KDM4C: variants seen among roughly 807,000 people sequenced by gnomAD.
The protein encoded by KDM4C is lysine demethylase 4C.
A neutral mutation model predicts 129.3 loss-of-function variants in KDM4C; 81 were observed. The observed-to-expected ratio is 0.63, with a 90% confidence interval of 0.52 to 0.75. The LOEUF (loss-of-function observed/expected upper bound fraction) is 0.75. Ranked by LOEUF, KDM4C falls within the 30% of genes least tolerant of loss-of-function variation. KDM4C has a pLI of 0.00. For missense variants in KDM4C, 1,457 were observed against 1,304.0 expected, an observed-to-expected ratio of 1.12 and a Z score of -1.81; for synonymous variants, 573 against 456.1, an observed-to-expected ratio of 1.26 and a Z score of -3.26.
chr9:7,011,487 G>T (rs138015962), intron 12 of KDM4C, among the ~76,000 whole-genome samples: 5 of 152,296 alleles, frequency 3.3e-5, no homozygotes, highest in African/African-American at 9.6e-5. Context: ...TTGTCTGGCC[G>T]TGGGATCTGA....
At chr9:7,161,205 G>T (rs1454855512) in intron 19 of KDM4C, among the ~76,000 whole-genome samples, 2 of 152,252 alleles carry the variant, frequency 1.3e-5, no homozygotes, top group African/African-American at 4.8e-5. Context: ...ATTGGGGCAG[G>T]CGTGTCCCAT....
chr9:7,035,139 A>G (rs1370096409), intron 15 of KDM4C, among the ~76,000 whole-genome samples: 2 of 150,566 alleles, frequency 1.3e-5, no homozygotes, highest in South Asian at 4.2e-4. Flanking sequence ...TTGCCTCCCA[A>G]GTAGCTGGGA....
intron 7 of KDM4C, among the ~76,000 whole-genome samples, chr9:6,889,472 G>C (rs1845810934): frequency 6.6e-6 from 1 of 152,066 alleles, no homozygotes; most frequent in South Asian, 2.1e-4. Context: ...CTGCCTGCGG[G>C]TGTAGGGAGG....
intron 8 of KDM4C, among the ~76,000 whole-genome samples, chr9:6,929,471 C>CTTTT (rs59537472): frequency 1.6e-5 from 2 of 127,524 alleles, no homozygotes; most frequent in Non-Finnish European, 1.7e-5. Flanking sequence ...TTGACTTTTT[C>CTTTT]TTTTTTTTTT....
At chr9:6,865,870 C>G (rs930771925) in intron 5 of KDM4C, among the ~76,000 whole-genome samples, 2 of 152,234 alleles carry the variant, frequency 1.3e-5, no homozygotes, top group East Asian at 3.9e-4. Context: ...CCTGCCTCAG[C>G]CTCCCGAGTA....
At chr9:7,154,210 C>G (rs895372782) in intron 19 of KDM4C, among the ~76,000 whole-genome samples, 26 of 152,198 alleles carry the variant, frequency 1.7e-4, no homozygotes, top group Non-Finnish European at 5.9e-5. Flanking sequence ...ATGATACTTA[C>G]GTGGCTGTCT....
intron 19 of KDM4C, among the ~76,000 whole-genome samples, chr9:7,148,181 G>T (rs564076166): frequency 6.6e-6 from 1 of 152,364 alleles, no homozygotes; most frequent in East Asian, 1.9e-4. Context: ...GGAACATGGT[G>T]GCGCCCAAAA....
intron 6 of KDM4C, among the ~76,000 whole-genome samples, chr9:6,885,257 G>A (rs1284303599): frequency 6.6e-6 from 1 of 152,162 alleles, no homozygotes; most frequent in Non-Finnish European, 1.5e-5. Context: ...TGTCATATAA[G>A]TGGAATCATA....
chr9:6,733,805 C>T (rs1446845617), intron 1 of KDM4C, among the ~76,000 whole-genome samples: 1 of 152,160 alleles, frequency 6.6e-6, no homozygotes, highest in African/African-American at 2.4e-5. Context: ...TGATGGTATG[C>T]TAAACAAGGG....
rs1817708226 is a variant in KDM4C, at chr9:6,986,399, A to G, written c.1410A>G (p.Lys470=). The G allele has an allele frequency of 6.2e-7, 1 of 1,613,786 alleles. No homozygotes were observed. Among genetic ancestry groups the G allele is most frequent in the African/African-American group, 1.3e-5 (1 of 74,930 alleles). Residue 470 remains lysine (K), a synonymous_variant, in exon 11 of 22, where the codon AAA becomes AAG. Transcript: ENST00000381309. ...VTEDIKTEDD[K]AYAYRSVPSI... ...AAGACATAAAAACTGAGGATGACAA[A>G]GCTTATGCATATAGAAGTGTACCTT...
chr9:6,789,040 A>AT lies in KDM4C; in HGVS notation c.-17-3927dup, dbSNP rs1447895426. On this transcript the variant is annotated intron_variant, in intron 1 of 21. Transcript: ENST00000381309. ...GTAGTTAGGTGAGGGCCAGATCCAGATTTTTGTTTTTTTTTTTTTTTGAAA... is the reference window on the plus strand; with the variant it reads ...GTAGTTAGGTGAGGGCCAGATCCAGATTTTTTGTTTTTTTTTTTTTTTGAAA... 3.3e-3 allele frequency among the ~76,000 whole-genome samples: 500 copies of AT among 149,686 alleles called. 6 individuals carry two copies. The highest frequency in any genetic ancestry group is 0.012 in the African/African-American group (489 of 40,556).
chr9:6,827,178 G>A lies in KDM4C; in HGVS notation c.435+12433G>A, dbSNP rs191864695. Among the ~76,000 whole-genome samples the A allele has an allele frequency of 7.0e-3, 1,072 of 152,292 alleles. 21 individuals are homozygous for A. The highest frequency in any genetic ancestry group is 0.038 in the Admixed American group (576 of 15,292). ...ATCACAGAATATTTGACCTGTTTTCGTTTATAATCAATGTCTGCCATTCCT... is the reference window on the plus strand; with the variant it reads ...ATCACAGAATATTTGACCTGTTTTCATTTATAATCAATGTCTGCCATTCCT... On this transcript the variant is annotated intron_variant, in intron 4 of 21. Coordinates refer to ENST00000381309, the MANE Select transcript of KDM4C (RefSeq NM_015061.6).
chr9:6,837,281 C>G (rs1474932881), intron 4 of KDM4C, among the ~76,000 whole-genome samples: 1 of 152,186 alleles, frequency 6.6e-6, no homozygotes, highest in Non-Finnish European at 1.5e-5. Context: ...TTATCCCAAA[C>G]TCCTGGACTC....
In KDM4C at chr9:7,049,075, T is replaced by C. The variant is rs549452701; in HGVS notation, c.2316-17T>C. The C allele has an allele frequency of 9.5e-6, 15 of 1,573,510 alleles. 1 individual carries two copies. The highest frequency in any genetic ancestry group is 6.7e-5 in the East Asian group (3 of 44,644). Reference sequence around the variant, plus strand: ...TTAGGGAACTTTTGTTTATGTTTAATGTCTCCTTTCCTGTAGGTGGGCCCA... The same window carrying C: ...TTAGGGAACTTTTGTTTATGTTTAACGTCTCCTTTCCTGTAGGTGGGCCCA... On this transcript the variant is annotated splice_polypyrimidine_tract_variant and intron_variant, in intron 16 of 21. Coordinates refer to ENST00000381309, the MANE Select transcript of KDM4C (RefSeq NM_015061.6).
rs1276703374 is a variant in KDM4C, at chr9:7,149,309, C to G, written c.2782-15929C>G. 3.9e-5 allele frequency among the ~76,000 whole-genome samples: 6 copies of G among 152,250 alleles called. No individual in the cohort carries two copies. In the East Asian group the frequency reaches 1.2e-3, roughly 29 times the overall value. The stretch of plus-strand genomic sequence containing the variant: ...AAGACACGATGGCAACTTTGTTCCA[C>G]TGCAGAGTGCATACCAGGAGCGGGG... On this transcript the variant is annotated intron_variant, in intron 19 of 21. Transcript: ENST00000381309.
chr9:6,966,946 G>A lies in KDM4C; in HGVS notation c.922-13979G>A, dbSNP rs1831083026. The stretch of plus-strand genomic sequence containing the variant: ...AAAAAAATTGATGATTTAGGGTCTC[G>A]TTAAAGTTAAAAACTGCTGCTCACC... On this transcript the variant is annotated intron_variant, in intron 8 of 21. Transcript: ENST00000381309. 2.0e-5 allele frequency among the ~76,000 whole-genome samples: 3 copies of A among 152,114 alleles called. 1 individual carries two copies. The South Asian group carries it at 6.2e-4, about 32-fold the overall frequency.
intron 8 of KDM4C, among the ~76,000 whole-genome samples, chr9:6,934,738 A>G (rs1440632942): frequency 6.6e-6 from 1 of 152,126 alleles, no homozygotes; most frequent in African/African-American, 2.4e-5. Context: ...CTGAGATTGC[A>G]GGCGTGAGCC....
At chr9:6,793,456 GACA>G (rs894932937) in intron 2 of KDM4C, among the ~76,000 whole-genome samples, 1 of 151,722 alleles carries the variant, frequency 6.6e-6, no homozygotes, top group Non-Finnish European at 1.5e-5. Context: ...TTTTTTTGTA[GACA>G]ACAATTATTA....
At chr9:6,933,087 A>G (rs1824060533) in intron 8 of KDM4C, among the ~76,000 whole-genome samples, 2 of 152,308 alleles carry the variant, frequency 1.3e-5, no homozygotes, top group South Asian at 4.1e-4. Context: ...TTAATTCCGT[A>G]AGAAGTATGT....
Sources: gnomAD v4.1 joint callset for allele counts (sites outside exome capture counted in the v4.1 genomes callset) on GRCh38, gnomAD v4.1.1 for gene constraint, MANE v1.5 for transcripts, NCBI Gene and HGNC (gene_info 2026-07-23, HGNC 2026-07-21) for gene names.